The following OR2L13 variants were observed in gnomAD, a reference collection of about 807,000 sequenced individuals.
The protein encoded by OR2L13 is olfactory receptor 2L13.
A neutral mutation model predicts 15.3 loss-of-function variants in OR2L13; 14 were observed. The ratio of observed to expected loss-of-function variants is 0.91; its 90% CI spans 0.60 to 1.43. The LOEUF is 1.43. Ranked by LOEUF, OR2L13 falls within the 40% of genes most tolerant of loss-of-function variation. OR2L13 has a pLI of 0.00. For missense variants in OR2L13, 367 were observed against 387.9 expected (o/e 0.95, Z 0.45); for synonymous variants, 152 against 142.9 (o/e 1.06, Z -0.45).
At chr1:247,990,344 C>T in the OR2L13 span, 8 of 1,512,250 alleles carry the variant, frequency 5.3e-6, no homozygotes, top group South Asian at 6.7e-5. Flanking sequence ...GCCATTTCAT[C>T]TTCATTCTCA....
At chr1:248,092,484 A>C (rs1281793518), upstream of OR2L13, among the ~76,000 whole-genome samples, 2 of 152,202 alleles carry the variant, frequency 1.3e-5, no homozygotes, top group African/African-American at 4.8e-5. Flanking sequence ...GTAAGAATAT[A>C]ACTGAACAGC....
At chr1:247,939,631 C>T in the OR2L13 span, 4 of 152,090 alleles carry the variant, frequency 2.6e-5, no homozygotes, top group African/African-American at 9.7e-5. Flanking sequence ...TAGGAAAATT[C>T]CTTTCACTTG....
At chr1:247,970,746 G>GT in the OR2L13 span, among the ~76,000 whole-genome samples, 1 of 152,160 alleles carries the variant, frequency 6.6e-6, no homozygotes, top group Non-Finnish European at 1.5e-5. Flanking sequence ...TTGTAGAAGA[G>GT]TTACTCACGT....
At chr1:248,075,703 TG>T in the OR2L13 span, among the ~76,000 whole-genome samples, 1 of 152,324 alleles carries the variant, frequency 6.6e-6, no homozygotes, top group African/African-American at 2.4e-5. Context: ...TGAGGTTGTT[TG>T]TTTTTCTCTT....
At chr1:248,036,800 T>C in the OR2L13 span, among the ~76,000 whole-genome samples, 1 of 152,204 alleles carries the variant, frequency 6.6e-6, no homozygotes, top group East Asian at 1.9e-4. Context: ...AAATCCTGTC[T>C]TTTGAAGATG....
chr1:248,039,748 A>T, the OR2L13 span: 1 of 152,254 alleles, frequency 6.6e-6, no homozygotes, highest in Non-Finnish European at 1.5e-5. Flanking sequence ...TTATAAAAAT[A>T]AGACAAAAAT....
chr1:248,073,669 TA>T, the OR2L13 span, among the ~76,000 whole-genome samples: 29 of 149,776 alleles, frequency 1.9e-4, no homozygotes, highest in Middle Eastern at 3.5e-3. Context: ...AAAATAAAAA[TA>T]AAAAAAAGAA....
the OR2L13 span, among the ~76,000 whole-genome samples, chr1:247,993,338 C>CGTT: frequency 3.1e-5 from 4 of 130,102 alleles, no homozygotes; most frequent in African/African-American, 1.5e-4. Flanking sequence ...GCTGTTTCCT[C>CGTT]GTTGTTTTTT....
At chr1:248,027,624 A>G in the OR2L13 span, among the ~76,000 whole-genome samples, 50 of 152,270 alleles carry the variant, frequency 3.3e-4, no homozygotes, top group Non-Finnish European at 6.6e-4. Flanking sequence ...ACTTAGGGAA[A>G]ATAGAAAAGG....
At chr1:248,055,782 A>T in the OR2L13 span, 1 of 152,204 alleles carries the variant, frequency 6.6e-6, no homozygotes. Flanking sequence ...CGTCTCAAGG[A>T]AAAAAATGAT....
the OR2L13 span, among the ~76,000 whole-genome samples, chr1:248,064,679 C>T: frequency 6.6e-5 from 10 of 152,154 alleles, no homozygotes; most frequent in Non-Finnish European, 4.4e-5. Flanking sequence ...TGACATACCA[C>T]GGCTTTGGGG....
chr1:247,990,494 T>C, the OR2L13 span: 1 of 1,574,330 alleles, frequency 6.4e-7, no homozygotes, highest in African/African-American at 1.4e-5. Flanking sequence ...TTTCCACCAT[T>C]GTTCCTAAGA....
At chr1:247,970,582 G>A in the OR2L13 span, among the ~76,000 whole-genome samples, 1 of 152,084 alleles carries the variant, frequency 6.6e-6, no homozygotes, top group Non-Finnish European at 1.5e-5. Flanking sequence ...TAACTCTACA[G>A]TTTTCATCCT....
the OR2L13 span, chr1:247,939,111 A>G: frequency 6.6e-6 from 1 of 152,242 alleles, no homozygotes; most frequent in Non-Finnish European, 1.5e-5. Context: ...GCTATTAGCC[A>G]CTAGTCTCTA....
chr1:247,988,241 T>G, the OR2L13 span, among the ~76,000 whole-genome samples: 2 of 152,158 alleles, frequency 1.3e-5, no homozygotes, highest in East Asian at 3.9e-4. Context: ...CTAATATTTC[T>G]CTCTCTTCTA....
At chr1:247,965,552 T>A in the OR2L13 span, 1 of 1,610,292 alleles carries the variant, frequency 6.2e-7, no homozygotes, top group East Asian at 2.2e-5. Flanking sequence ...CACACTCCAA[T>A]GTACTTTCTG....
At chr1:248,100,140 C>T (rs753080466) in exon 3 of OR2L13, 1 of 1,614,148 alleles carries the variant, frequency 6.2e-7, no homozygotes, top group South Asian at 1.1e-5. Context: ...CACCTTTTGT[C>T]TACACCTATC....
the OR2L13 span, among the ~76,000 whole-genome samples, chr1:247,981,623 T>A: frequency 3.3e-5 from 5 of 152,336 alleles, no homozygotes; most frequent in East Asian, 9.7e-4. Context: ...GAGCATAGTA[T>A]GTGGAAACAA....
the OR2L13 span, among the ~76,000 whole-genome samples, chr1:248,054,399 C>T: frequency 1.3e-5 from 2 of 152,220 alleles, no homozygotes; most frequent in African/African-American, 4.8e-5. Flanking sequence ...CTGATGCCTC[C>T]AGCTTTGTTC....
Sources: allele counts gnomAD v4.1 joint callset (sites outside exome capture counted in the v4.1 genomes callset), GRCh38; gene constraint gnomAD v4.1.1; transcripts MANE v1.5; gene names NCBI Gene and HGNC (gene_info 2026-07-23, HGNC 2026-07-21).